The following NFIB variants were observed in gnomAD, a reference collection of about 807,000 sequenced individuals.
NFIB encodes nuclear factor 1 B-type.
Under a neutral mutation model 61.5 loss-of-function variants are expected in NFIB, and 11 were observed. The observed-to-expected ratio is 0.18, with a 90% confidence interval of 0.11 to 0.30. The LOEUF is 0.30. Among genes scored for constraint, NFIB ranks in the 10% least tolerant of loss-of-function variants. The pLI, the probability that NFIB is intolerant of heterozygous loss-of-function variation, is 1.00. For synonymous variants in NFIB, 260 were observed against 216.5 expected, an observed-to-expected ratio of 1.20 and a Z score of -1.76; for missense variants, 471 against 608.9, an observed-to-expected ratio of 0.77 and a Z score of 2.38.
At chr9:14,450,163 C>A in the NFIB span, among the ~76,000 whole-genome samples, 2 of 152,030 alleles carry the variant, frequency 1.3e-5, no homozygotes, top group African/African-American at 4.8e-5. Context: ...TGTTCCGCTC[C>A]CTGTGTCCAT....
At chr9:14,140,313 C>G (rs1278050164) in intron 6 of NFIB, among the ~76,000 whole-genome samples, 2 of 152,132 alleles carry the variant, frequency 1.3e-5, no homozygotes, top group Non-Finnish European at 2.9e-5. Flanking sequence ...ACTCAGCTCC[C>G]ACAGCTCTAG....
At chr9:14,458,841 C>T in the NFIB span, among the ~76,000 whole-genome samples, 1 of 151,714 alleles carries the variant, frequency 6.6e-6, no homozygotes, top group African/African-American at 2.4e-5. Context: ...AGGAGAACTA[C>T]AAACCACTGC....
At chr9:14,392,069 T>C (rs1223218451) in intron 1 of NFIB, among the ~76,000 whole-genome samples, 1 of 152,064 alleles carries the variant, frequency 6.6e-6, no homozygotes, top group Non-Finnish European at 1.5e-5. Context: ...AGAAATTAAA[T>C]TAAGAAACAT....
intron 10 of NFIB, among the ~76,000 whole-genome samples, chr9:14,090,543 G>C (rs7863561): frequency 2.6e-5 from 4 of 151,998 alleles, no homozygotes; most frequent in African/African-American, 9.7e-5. Context: ...CAGAGAAAAC[G>C]ACCTAGTCAC....
At chr9:14,312,047 C>T (rs1225952851) in intron 1 of NFIB, among the ~76,000 whole-genome samples, 1 of 152,096 alleles carries the variant, frequency 6.6e-6, no homozygotes, top group East Asian at 1.9e-4. Context: ...CTCATTTTTC[C>T]AGTTTTGTTA....
At chr9:14,269,914 T>A (rs1463197498) in intron 2 of NFIB, among the ~76,000 whole-genome samples, 27 of 152,188 alleles carry the variant, frequency 1.8e-4, no homozygotes, top group Admixed American at 1.6e-3. Context: ...GGCAAGGAAG[T>A]TGAACTGAAT....
At chr9:14,346,123 G>A (rs900484443) in intron 1 of NFIB, among the ~76,000 whole-genome samples, 3 of 152,078 alleles carry the variant, frequency 2.0e-5, no homozygotes, top group East Asian at 1.9e-4. Context: ...GGGGCGCGCC[G>A]CGGGCGCGGG....
In NFIB at chr9:14,083,860, T is replaced by C. The variant is rs1443836884; in HGVS notation, c.*4449A>G. 8.9e-6 allele frequency: 2 copies of C among 225,158 alleles called. No individual in the cohort carries two copies. Among genetic ancestry groups the C allele is most frequent in the African/African-American group, 4.5e-5 (2 of 44,840 alleles). 13.9% of individuals were successfully genotyped at this position (225,158 alleles called of 1,614,324 possible). On this transcript the variant is annotated 3_prime_UTR_variant, in exon 11 of 11. Coordinates refer to ENST00000380953, the MANE Select transcript of NFIB (RefSeq NM_001190737.2). ...GGACACGTTATGTGAGACATAGCACTGTTTTAGTTTTCTGCCTATCCTGAA... is the reference window on the plus strand; with the variant it reads ...GGACACGTTATGTGAGACATAGCACCGTTTTAGTTTTCTGCCTATCCTGAA...
intron 1 of NFIB, among the ~76,000 whole-genome samples, chr9:14,377,994 T>C (rs1248948895): frequency 6.6e-6 from 1 of 152,212 alleles, no homozygotes; most frequent in African/African-American, 2.4e-5. Context: ...GTGATCACTC[T>C]AGTAGTAACT....
At chr9:14,463,659 C>CTCCTTTTTTTT in the NFIB span, among the ~76,000 whole-genome samples, 7 of 65,814 alleles carry the variant, frequency 1.1e-4, 1 homozygote, top group Non-Finnish European at 1.2e-4. Context: ...ATTTGATTTT[C>CTCCTTTTTTTT]TTTTTTTTTT....
chr9:14,408,677 T>G, the NFIB span, among the ~76,000 whole-genome samples: 1 of 152,184 alleles, frequency 6.6e-6, no homozygotes, highest in African/African-American at 2.4e-5. Flanking sequence ...GATGTTTTAT[T>G]AGTGTGGAAA....
chr9:14,416,892 C>CTT, the NFIB span, among the ~76,000 whole-genome samples: 953 of 126,908 alleles, frequency 7.5e-3, 28 homozygotes, highest in African/African-American at 0.029. Flanking sequence ...ACTATTTTTA[C>CTT]TTTTTTTTTT....
At chr9:14,352,327 G>C (rs1382073490) in intron 1 of NFIB, among the ~76,000 whole-genome samples, 1 of 151,808 alleles carries the variant, frequency 6.6e-6, no homozygotes, top group Non-Finnish European at 1.5e-5. Context: ...GTGTGGAGTT[G>C]GGAGGCTCAC....
At chr9:14,437,652 G>A in the NFIB span, among the ~76,000 whole-genome samples, 1 of 152,226 alleles carries the variant, frequency 6.6e-6, no homozygotes, top group South Asian at 2.1e-4. Context: ...GATTCTAACA[G>A]AGGAGCTGGG....
At chr9:14,378,549 G>T (rs2061446547) in intron 1 of NFIB, among the ~76,000 whole-genome samples, 1 of 152,190 alleles carries the variant, frequency 6.6e-6, no homozygotes, top group African/African-American at 2.4e-5. Flanking sequence ...TAGAGACGGG[G>T]TTTCACCATA....
the NFIB span, among the ~76,000 whole-genome samples, chr9:14,423,508 C>T: frequency 2.6e-5 from 4 of 152,162 alleles, no homozygotes; most frequent in African/African-American, 7.2e-5. Flanking sequence ...AGCCTCTTCT[C>T]TATTTACACA....
chr9:14,300,485 A>G (rs1256462178), intron 2 of NFIB, among the ~76,000 whole-genome samples: 1 of 152,198 alleles, frequency 6.6e-6, no homozygotes, highest in African/African-American at 2.4e-5. Flanking sequence ...TTCATAAACC[A>G]AAGAGAAACA....
chr9:14,269,202 T>G (rs184809842), intron 2 of NFIB, among the ~76,000 whole-genome samples: 1 of 152,202 alleles, frequency 6.6e-6, no homozygotes, highest in African/African-American at 2.4e-5. Flanking sequence ...TAATACCACA[T>G]CTCATTCTCT....
At chr9:14,455,327 A>G in the NFIB span, among the ~76,000 whole-genome samples, 141,759 of 152,292 alleles carry the variant, frequency 0.93, 66,099 homozygotes, top group African/African-American at 0.98. Flanking sequence ...TATGTGTGAT[A>G]TAACAAAAGT....
Sources: gnomAD v4.1 joint callset for allele counts (sites outside exome capture counted in the v4.1 genomes callset) on GRCh38, gnomAD v4.1.1 for gene constraint, MANE v1.5 for transcripts, NCBI Gene and HGNC (gene_info 2026-07-23, HGNC 2026-07-21) for gene names.